MMP17: variants seen among roughly 807,000 people sequenced by gnomAD.
MMP17 encodes the protein matrix metallopeptidase 17.
A neutral mutation model predicts 49.1 loss-of-function variants in MMP17; 54 were observed. That is an observed-to-expected ratio of 1.10 (90% CI 0.88 to 1.38). The LOEUF (loss-of-function observed/expected upper bound fraction) is 1.38, where lower values mean the gene tolerates loss of function less well. Among genes scored for constraint, MMP17 ranks in the 40% most tolerant of loss-of-function variants. The probability of loss-of-function intolerance (pLI) is 0.00; values close to 1 mark genes in which losing one functional copy is unlikely to be tolerated. For synonymous variants in MMP17, 397 were observed against 383.1 expected, an observed-to-expected ratio of 1.04 and a Z score of -0.42; for missense variants, 837 against 853.7, an observed-to-expected ratio of 0.98 and a Z score of 0.24.
chr12:131,841,874 GC>G lies in MMP17; in HGVS notation c.883+81del, dbSNP rs1271277572. Reference sequence around the variant, plus strand: ...GAAACCCCAGGCACCCCTGAGCAGAGCCCCCCCGGGAGGGTTTGCTCTCCCC... The same window carrying G: ...GAAACCCCAGGCACCCCTGAGCAGAGCCCCCCGGGAGGGTTTGCTCTCCCC... On this transcript the variant is annotated intron_variant, in intron 5 of 9. Coordinates refer to ENST00000360564, the MANE Select transcript of MMP17 (RefSeq NM_016155.7). 655 of 1,447,656 alleles carry G rather than the reference GC, an allele frequency of 4.5e-4. 10 individuals carry two copies. The South Asian group carries it at 8.1e-3, about 18-fold the overall frequency. The allele number at this position is 1,447,656 out of a possible 1,614,324, so 89.7% of individuals were successfully genotyped here.
intron 1 of MMP17, among the ~76,000 whole-genome samples, chr12:131,829,970 C>T (rs1024777620): frequency 2.6e-5 from 4 of 152,250 alleles, no homozygotes; most frequent in Non-Finnish European, 5.9e-5. Flanking sequence ...CTCCTCAAGA[C>T]CCTTTTGTAG....
rs1041368019 is a variant in MMP17 at position 131,851,267 on chromosome 12, C to T, written c.1805C>T (p.Thr602Met). The change falls in exon 10 of 10, where the codon ACG (threonine) becomes ATG (methionine). Residue 602 changes from threonine (T) to methionine (M), a missense_variant. Transcript: ENST00000360564. ...CTGTGGACAGCGGCCCAGGCCCTGA[C>T]GCTATGACACACAGCGCGAGCCCAT... ...GALWTAAQAL[T>M]L 58 of 1,423,326 alleles carry T rather than the reference C, an allele frequency of 4.1e-5. No individual in the cohort carries two copies. The highest frequency in any genetic ancestry group is 5.9e-5 in the African/African-American group (4 of 68,064). The allele number at this position is 1,423,326 out of a possible 1,614,324, so 88.2% of individuals were successfully genotyped here.
rs1377711421 is a variant in MMP17 at position 131,846,823 on chromosome 12, G to A, written c.1204+1374G>A. Among the ~76,000 whole-genome samples the A allele has an allele frequency of 6.6e-6, 1 of 152,162 alleles. No individual in the cohort carries two copies. The highest frequency in any genetic ancestry group is 1.5e-5 in the Non-Finnish European group (1 of 68,024). ...CAGCCACTCCCACAGTCACGGGCGG[G>A]ACCCCGTTTCCTTGCCGAGGTAAAG... On this transcript the variant is annotated intron_variant, in intron 8 of 9. Transcript: ENST00000360564. The surrounding 1 kb of genome is among the most constrained non-coding windows in gnomAD (Gnocchi z 4.6).
In MMP17 at chr12:131,840,852, C is replaced by G. The variant is rs1887366672; in HGVS notation, c.702C>G (p.Ser234=). 1 of 1,594,946 alleles carries G rather than the reference C, an allele frequency of 6.3e-7. No individual in the cohort carries two copies. The highest frequency in any genetic ancestry group is 1.3e-5 in the African/African-American group (1 of 74,686). The change falls in exon 4 of 10, where the codon TCC becomes TCG. Residue 234 remains serine (S), a synonymous_variant. Coordinates refer to ENST00000360564, the MANE Select transcript of MMP17 (RefSeq NM_016155.7). ...FDDDEAWTFR[S]SDAHGMDLFA... is the part of the protein sequence containing the mutation. Reference sequence around the variant, plus strand: ...ATGACGAGGCCTGGACCTTCCGCTCCTCGGGTGCGTCTGGGGCAGCCCTCA... The same window carrying G: ...ATGACGAGGCCTGGACCTTCCGCTCGTCGGGTGCGTCTGGGGCAGCCCTCA...
chr12:131,835,610 G>A (rs952536388), intron 1 of MMP17, among the ~76,000 whole-genome samples: 1 of 152,232 alleles, frequency 6.6e-6, no homozygotes, highest in Non-Finnish European at 1.5e-5. Context: ...GCTGGGGGGT[G>A]AGTTGTCCTC....
At position 131,845,417 on chromosome 12, in the gene MMP17, G is replaced by A. The variant is rs762997045; in HGVS notation, c.1172G>A (p.Arg391His). The A allele has an allele frequency of 9.5e-6, 15 of 1,579,896 alleles. No homozygotes were observed. The highest frequency in any genetic ancestry group is 1.3e-5 in the Non-Finnish European group (15 of 1,164,956). Residue 391 changes from arginine to histidine, a missense_variant, in exon 8 of 10, where the codon CGC (arginine) becomes CAC (histidine). Arg to His is a conservative substitution (Grantham distance 29, BLOSUM62 0). Transcript: ENST00000360564. The stretch of plus-strand genomic sequence containing the variant: ...GACAGCGTGGACGCCGTGTACGAGC[G>A]CACCAGCGACCACAAGATCGTCTTC... ...HLDSVDAVYERTSDHKIVFFK... is the reference protein window; with the variant it reads ...HLDSVDAVYEHTSDHKIVFFK...
chr12:131,832,205 A>G (rs913852915), intron 1 of MMP17, among the ~76,000 whole-genome samples: 1 of 3,028 alleles, frequency 3.3e-4, no homozygotes, highest in Admixed American at 4.4e-3. Context: ...TCTGGGGGGG[A>G]CGGGAAGGGG....
At position 131,840,435 on chromosome 12, in the gene MMP17, G is replaced by T; in HGVS notation, c.423-138G>T. ...GCCGTGAGTGCATCGGATGACTCCT[G>T]GCGTGGGGAGGAAGGCGGAAGATGG... On this transcript the variant is annotated intron_variant, in intron 3 of 9. Coordinates refer to ENST00000360564, the MANE Select transcript of MMP17 (RefSeq NM_016155.7). The T allele has an allele frequency of 4.5e-6, 4 of 886,078 alleles. No homozygotes were observed. In the South Asian group the frequency reaches 5.1e-5, roughly 11 times the overall value. 54.9% of individuals were successfully genotyped at this position (886,078 alleles called of 1,614,324 possible).
At chr12:131,833,184 C>G (rs1045983817) in intron 1 of MMP17, among the ~76,000 whole-genome samples, 8 of 152,352 alleles carry the variant, frequency 5.3e-5, no homozygotes, top group African/African-American at 1.9e-4. Flanking sequence ...GTGCCAGGCA[C>G]CCTCCAGCAG....
At chr12:131,841,455 C>T (rs571425540) in intron 4 of MMP17, among the ~76,000 whole-genome samples, 169 bp from the exon 5 acceptor site, 6 of 152,326 alleles carry the variant, frequency 3.9e-5, no homozygotes, top group African/African-American at 1.4e-4. Flanking sequence ...CCCACAGAGC[C>T]CCCAGGGGAA....
At chr12:131,833,134 T>A (rs182869525) in intron 1 of MMP17, among the ~76,000 whole-genome samples, 461 of 152,302 alleles carry the variant, frequency 3.0e-3, no homozygotes, top group Non-Finnish European at 4.2e-3. Flanking sequence ...AACACCCACT[T>A]CATAAGGTTA....
intron 2 of MMP17, 83 bp downstream of exon 2, chr12:131,838,410 A>G: frequency 3.9e-6 from 6 of 1,538,200 alleles, no homozygotes; most frequent in Non-Finnish European, 5.3e-6. Context: ...GATCAGGCAC[A>G]GTCCCGTCTT....
chr12:131,832,784 C>T (rs558134176), intron 1 of MMP17, among the ~76,000 whole-genome samples: 5 of 152,072 alleles, frequency 3.3e-5, no homozygotes, highest in East Asian at 1.9e-4. Flanking sequence ...AAGGGCTCCA[C>T]GCGATCTGGC....
chr12:131,834,902 C>T (rs1026520248), intron 1 of MMP17, among the ~76,000 whole-genome samples: 1 of 152,180 alleles, frequency 6.6e-6, no homozygotes, highest in African/African-American at 2.4e-5. Context: ...GGCCTCCCCA[C>T]AGCCGCGCCT....
intron 8 of MMP17, 41 bp from the exon 9 acceptor site, chr12:131,849,761 G>A (rs373705742): frequency 6.3e-7 from 1 of 1,578,734 alleles, no homozygotes; most frequent in Non-Finnish European, 8.6e-7. Context: ...CCTTCGGGGT[G>A]GGGCCGAGCC....
chr12:131,838,350 G>A (rs1201557870), intron 2 of MMP17, 23 bp downstream of exon 2: 1 of 1,609,264 alleles, frequency 6.2e-7, no homozygotes, highest in Admixed American at 1.7e-5. Context: ...GGGGGCAGCG[G>A]GAGCGCCGTG....
chr12:131,849,715 G>A, intron 8 of MMP17, 87 bp from the exon 9 acceptor site: 2 of 1,487,840 alleles, frequency 1.3e-6, no homozygotes, highest in South Asian at 1.3e-5. Flanking sequence ...GGCAAGGGCG[G>A]CTGACACAGG....
intron 1 of MMP17, among the ~76,000 whole-genome samples, chr12:131,833,849 G>A (rs1041855550): frequency 3.3e-5 from 5 of 152,322 alleles, no homozygotes; most frequent in African/African-American, 9.6e-5. Flanking sequence ...GGGAGGGGCC[G>A]TTACAACCAA....
rs777320973 is a variant in MMP17 at position 131,844,032 on chromosome 12, G to A, written c.919G>A (p.Glu307Lys). 2.3e-5 allele frequency: 36 copies of A among 1,570,124 alleles called. No homozygotes were observed. The highest frequency in any genetic ancestry group is 1.6e-4 in the Admixed American group (9 of 54,954). The change falls in exon 6 of 10, where the codon GAG becomes AAG. Residue 307 changes from glutamate (E) to lysine (K), a missense_variant. Glu to Lys is a moderately conservative substitution (Grantham distance 56, BLOSUM62 1). Coordinates refer to ENST00000360564, the MANE Select transcript of MMP17 (RefSeq NM_016155.7). ...RESVSPTAQP[E>K]EPPLLPEPPD... ...GTCTGTGTCTCCCACGGCGCAGCCC[G>A]AGGAGCCTCCCCTGCTGCCGGAGCC...
Sources: gnomAD v4.1 joint callset for allele counts (sites outside exome capture counted in the v4.1 genomes callset) on GRCh38, gnomAD v4.1.1 for gene constraint, Gnocchi (gnomAD v3.1) non-coding constraint, MANE v1.5 for transcripts, NCBI Gene and HGNC (gene_info 2026-07-23, HGNC 2026-07-21) for gene names.